The following BTG4 variants were observed in gnomAD, a reference collection of about 807,000 sequenced individuals.
BTG4 encodes protein BTG4.
Under a neutral mutation model 19.3 loss-of-function variants are expected in BTG4, and 10 were observed. The ratio of observed to expected loss-of-function variants is 0.52; its 90% CI spans 0.32 to 0.88. The LOEUF (loss-of-function observed/expected upper bound fraction) is 0.88. Ranked by LOEUF, BTG4 falls within the 40% of genes least tolerant of loss-of-function variation. BTG4 has a pLI of 0.04. For missense variants in BTG4, 238 were observed against 281.9 expected (o/e 0.84, Z 1.11); for synonymous variants, 91 against 95.7 (o/e 0.95, Z 0.29).
At chr11:111,513,327 T>C (rs1867085437), upstream of BTG4, 2 of 507,932 alleles carry the variant, frequency 3.9e-6, no homozygotes, top group Admixed American at 2.0e-5. Context: ...TGCCATCGTC[T>C]AGTAGAGTAT....
the BTG4 span, among the ~76,000 whole-genome samples, chr11:111,427,682 G>A: frequency 6.6e-6 from 1 of 151,998 alleles, no homozygotes; most frequent in Non-Finnish European, 1.5e-5. Flanking sequence ...AGGTCTCAGG[G>A]GAGTCTTTAG....
the BTG4 span, among the ~76,000 whole-genome samples, chr11:111,405,911 A>G: frequency 6.6e-6 from 1 of 152,254 alleles, no homozygotes; most frequent in African/African-American, 2.4e-5. Flanking sequence ...AGTTTCTGGC[A>G]TATAGCAAGT....
Position 111,476,402 on chromosome 11 carries a change from T to C in BTG4, c.663-8721A>G, listed in dbSNP as rs113865389. On this transcript the variant is annotated intron_variant, in intron 5 of 5. Coordinates refer to the BTG4 transcript ENST00000356018. ...TCAATCCAACTGATGAAAATACTAA[T>C]GGTAGATTACTTTCAAGAAAATAAA... Among the ~76,000 whole-genome samples, 849 of 152,156 alleles carry C rather than the reference T, an allele frequency of 5.6e-3. 3 individuals are homozygous for C. The highest frequency in any genetic ancestry group is 0.019 in the African/African-American group (797 of 41,530).
At chr11:111,449,160 C>G in the BTG4 span, among the ~76,000 whole-genome samples, 1 of 152,088 alleles carries the variant, frequency 6.6e-6, no homozygotes, top group African/African-American at 2.4e-5. Flanking sequence ...ACAGGCTGGT[C>G]TCCCCCTGAC....
intron 1 of BTG4, 130 bp from the exon 2 acceptor site, chr11:111,498,932 T>A: frequency 1.6e-6 from 1 of 613,846 alleles, no homozygotes; most frequent in Non-Finnish European, 2.7e-6. Flanking sequence ...AAAGAAGTCC[T>A]TAGTAAACTA....
At chr11:111,445,042 C>T in the BTG4 span, among the ~76,000 whole-genome samples, 1 of 152,104 alleles carries the variant, frequency 6.6e-6, no homozygotes, top group South Asian at 2.1e-4. Context: ...GAAGCAGTGG[C>T]GAAGAAGAGA....
At chr11:111,429,916 A>G in the BTG4 span, among the ~76,000 whole-genome samples, 2 of 148,122 alleles carry the variant, frequency 1.4e-5, no homozygotes, top group African/African-American at 5.0e-5. Flanking sequence ...GGCTTTCCTG[A>G]GTCTGTGTTA....
At chr11:111,500,953 T>C (rs1242232032) in intron 1 of BTG4, among the ~76,000 whole-genome samples, 4 of 152,094 alleles carry the variant, frequency 2.6e-5, no homozygotes, top group South Asian at 2.1e-4. Flanking sequence ...TGAGTGTGAA[T>C]TGCAACTTTA....
chr11:111,506,637 C>G (rs1012619990), intron 1 of BTG4, among the ~76,000 whole-genome samples: 2 of 152,026 alleles, frequency 1.3e-5, no homozygotes, highest in Non-Finnish European at 2.9e-5. Flanking sequence ...AGATAACTCA[C>G]TAAAATTAAT....
the BTG4 span, chr11:111,397,017 G>A: frequency 6.6e-6 from 1 of 152,148 alleles, no homozygotes; most frequent in Non-Finnish European, 1.5e-5. Flanking sequence ...TCATAGAGCT[G>A]TTTCATTCAA....
At chr11:111,453,812 G>T in the BTG4 span, among the ~76,000 whole-genome samples, 1 of 152,216 alleles carries the variant, frequency 6.6e-6, no homozygotes, top group Non-Finnish European at 1.5e-5. Context: ...CTTTCCAAAA[G>T]AAACATAGTA....
At chr11:111,480,561 A>G (rs935971714) in intron 5 of BTG4, among the ~76,000 whole-genome samples, 2 of 152,024 alleles carry the variant, frequency 1.3e-5, no homozygotes, top group East Asian at 3.9e-4. Context: ...CCTGGGGCAT[A>G]AACAAACCTC....
chr11:111,406,583 C>T, the BTG4 span, among the ~76,000 whole-genome samples: 5 of 152,110 alleles, frequency 3.3e-5, no homozygotes, highest in Non-Finnish European at 7.4e-5. Flanking sequence ...GGCACTATTC[C>T]CTGGGGGAAA....
At chr11:111,391,515 C>T in the BTG4 span, among the ~76,000 whole-genome samples, 1 of 152,170 alleles carries the variant, frequency 6.6e-6, no homozygotes, top group Admixed American at 6.5e-5. Flanking sequence ...CTGGCCGGGA[C>T]TTCTTCCTCC....
the BTG4 span, chr11:111,458,333 C>G: frequency 1.3e-5 from 2 of 152,312 alleles, no homozygotes; most frequent in Non-Finnish European, 2.9e-5. Flanking sequence ...AGGGCTGCAG[C>G]CCTACTGGCC....
the BTG4 span, among the ~76,000 whole-genome samples, chr11:111,411,615 C>A: frequency 1.3e-5 from 2 of 152,182 alleles, no homozygotes; most frequent in Admixed American, 6.5e-5. Flanking sequence ...ACAAATCAAC[C>A]AAGGATCTTG....
the BTG4 span, among the ~76,000 whole-genome samples, chr11:111,412,166 G>T: frequency 0.04 from 6,019 of 152,284 alleles, 130 homozygotes; most frequent in Middle Eastern, 0.14. Flanking sequence ...AAGTGAGCAG[G>T]TTCAAAAGAA....
the BTG4 span, among the ~76,000 whole-genome samples, chr11:111,421,181 C>T: frequency 6.6e-6 from 1 of 152,156 alleles, no homozygotes; most frequent in African/African-American, 2.4e-5. Context: ...GAGAGGGCAC[C>T]TCATATAGGG....
chr11:111,507,057 T>C (rs773189533), intron 1 of BTG4, among the ~76,000 whole-genome samples: 16 of 151,606 alleles, frequency 1.1e-4, no homozygotes, highest in Non-Finnish European at 1.8e-4. Context: ...TTTAACTAAA[T>C]ATAAGTTTCC....
Sources: gnomAD v4.1 joint callset for allele counts (sites outside exome capture counted in the v4.1 genomes callset) on GRCh38, gnomAD v4.1.1 for gene constraint, MANE v1.5 for transcripts, NCBI Gene and HGNC (gene_info 2026-07-23, HGNC 2026-07-21) for gene names.